Variants in C17orf99 observed in about 807,000 individuals in gnomAD.
C17orf99 encodes the protein protein IL-40.
Under a neutral mutation model 22.6 loss-of-function variants are expected in C17orf99, and 18 were observed. The observed-to-expected ratio is 0.80, with a 90% CI of 0.55 to 1.18. The LOEUF (loss-of-function observed/expected upper bound fraction) is 1.18, where lower values mean the gene tolerates loss of function less well. C17orf99 is among the 50% of genes most tolerant of loss of function. The pLI is 0.00. For synonymous variants in C17orf99, 147 were observed against 136.6 expected, an observed-to-expected ratio of 1.08 and a Z score of -0.53; for missense variants, 328 against 342.7, an observed-to-expected ratio of 0.96 and a Z score of 0.34.
intron 2 of C17orf99, among the ~76,000 whole-genome samples, chr17:78,160,361 C>G (rs964432952): frequency 4.6e-5 from 7 of 151,914 alleles, no homozygotes. Context: ...CATGGTGAAA[C>G]CCTGTCTCTA....
At chr17:78,159,788 G>T (rs1481246801) in intron 2 of C17orf99, among the ~76,000 whole-genome samples, 1 of 151,980 alleles carries the variant, frequency 6.6e-6, no homozygotes, top group Non-Finnish European at 1.5e-5. Context: ...GGGTTCTCCT[G>T]TTCTGAACTT....
At chr17:78,164,801 G>A (rs1239991007) in intron 4 of C17orf99, 12 of 1,242,018 alleles carry the variant, frequency 9.7e-6, no homozygotes, top group South Asian at 4.1e-5. Context: ...GGCCATCACC[G>A]CTTACGCATG....
At chr17:78,163,785 G>A (rs991341606) in intron 3 of C17orf99, among the ~76,000 whole-genome samples, 3 of 152,214 alleles carry the variant, frequency 2.0e-5, no homozygotes, top group East Asian at 1.9e-4. Context: ...AGAATTGCTC[G>A]AGCTGGGGAG....
At chr17:78,149,498 C>T (rs1277506577) in intron 2 of C17orf99, among the ~76,000 whole-genome samples, 4 of 152,080 alleles carry the variant, frequency 2.6e-5, no homozygotes, top group East Asian at 3.9e-4. Flanking sequence ...TCAGGATATT[C>T]GAAAGATGAT....
intron 2 of C17orf99, among the ~76,000 whole-genome samples, chr17:78,148,810 G>A (rs1168252139): frequency 6.6e-6 from 1 of 152,158 alleles, no homozygotes; most frequent in Non-Finnish European, 1.5e-5. Flanking sequence ...GCCATAGGAG[G>A]TTTGGAGGGG....
intron 2 of C17orf99, chr17:78,160,750 A>G: frequency 1.7e-6 from 1 of 573,214 alleles, no homozygotes; most frequent in African/African-American, 1.9e-5. Flanking sequence ...CGCCCGGCTA[A>G]TTTTTGTATT....
At chr17:78,164,847 T>C in intron 4 of C17orf99, 1 of 1,197,086 alleles carries the variant, frequency 8.4e-7, no homozygotes, top group Non-Finnish European at 1.1e-6. Context: ...CTGTGTGCCA[T>C]GTGCCTACTG....
Position 78,157,508 on chromosome 17 carries a change from G to T in C17orf99, c.71-3447G>T. On this transcript the variant is annotated intron_variant, in intron 2 of 4. Transcript: ENST00000340363. Reference sequence around the variant, plus strand: ...GCAGTCCTCAGCATTGTGTAAAAATGACTTTGTAGGCCGGGCGCGGTGGCT... The same window carrying T: ...GCAGTCCTCAGCATTGTGTAAAAATTACTTTGTAGGCCGGGCGCGGTGGCT... 3 of 1,184,830 alleles carry T rather than the reference G, an allele frequency of 2.5e-6. No homozygotes were observed. In the South Asian group the frequency reaches 3.7e-5, roughly 15 times the overall value. 73.4% of individuals were successfully genotyped at this position (1,184,830 alleles called of 1,614,324 possible).
At chr17:78,153,040 C>T (rs142497858) in intron 2 of C17orf99, among the ~76,000 whole-genome samples, 9 of 151,472 alleles carry the variant, frequency 5.9e-5, no homozygotes, top group African/African-American at 2.2e-4. Flanking sequence ...GAGATCGTGC[C>T]GCTGCACTCA....
chr17:78,147,478 AG>A (rs1193589105), intron 2 of C17orf99, among the ~76,000 whole-genome samples: 1 of 151,968 alleles, frequency 6.6e-6, no homozygotes, highest in African/African-American at 2.4e-5. Context: ...ACCAGGGAGG[AG>A]GGGACGCTGG....
chr17:78,166,155 C>CAAAAAAAAAAAAA lies in C17orf99; in HGVS notation c.*119_*131dup, dbSNP rs61377640. 1.5e-5 allele frequency: 2 copies of CAAAAAAAAAAAAA among 135,180 alleles called. No homozygotes were observed. The highest frequency in any genetic ancestry group is 2.6e-5 in the Non-Finnish European group (2 of 77,528). The allele number at this position is 135,180 out of a possible 1,614,324, so 8.4% of individuals were successfully genotyped here. A position where few individuals can be genotyped will look rare whatever the true frequency, so the allele number is the denominator to read the frequency against. Reference sequence around the variant, plus strand: ...GAGTGTGTTTTAGCTGCTCTTGCCACAAAAAAAAAAAAAAAAAAAAAAGGG... The same window carrying CAAAAAAAAAAAAA: ...GAGTGTGTTTTAGCTGCTCTTGCCACAAAAAAAAAAAAAAAAAAAAAAAAAAAAAAAAAAAGGG... On this transcript the variant is annotated 3_prime_UTR_variant, in exon 5 of 5. Coordinates refer to ENST00000340363, the MANE Select transcript of C17orf99 (RefSeq NM_001163075.2).
intron 2 of C17orf99, among the ~76,000 whole-genome samples, chr17:78,153,928 T>C (rs2075505715): frequency 7.1e-6 from 1 of 140,118 alleles, no homozygotes; most frequent in East Asian, 2.1e-4. Flanking sequence ...CTTTTTTTTT[T>C]TTTTTTTTTT....
chr17:78,153,370 A>G (rs2075500361), intron 2 of C17orf99, among the ~76,000 whole-genome samples: 1 of 152,104 alleles, frequency 6.6e-6, no homozygotes, highest in Non-Finnish European at 1.5e-5. Flanking sequence ...CTGTAATCCC[A>G]GCTACTCGGG....
intron 2 of C17orf99, among the ~76,000 whole-genome samples, chr17:78,153,448 G>A (rs1256910661): frequency 6.6e-6 from 1 of 151,898 alleles, no homozygotes; most frequent in Non-Finnish European, 1.5e-5. Flanking sequence ...TCGTGTCACT[G>A]CAGTCCAGCC....
chr17:78,146,808 G>T lies in C17orf99; in HGVS notation c.38-71G>T. ...CTCCTCCCTCCTGGCTTCAGCAGGT[G>T]GGTCTCGAGGCTGTCTCTGGTCTCC... is the stretch of plus-strand genomic sequence containing the variant. On this transcript the variant is annotated intron_variant, in intron 1 of 4. Coordinates refer to ENST00000340363, the MANE Select transcript of C17orf99 (RefSeq NM_001163075.2). The surrounding 1 kb of genome is among the most constrained non-coding windows in gnomAD (Gnocchi z 5.2). 1 of 1,436,544 alleles carries T rather than the reference G, an allele frequency of 7.0e-7. No individual in the cohort carries two copies. The allele number at this position is 1,436,544 out of a possible 1,614,324, so 89.0% of individuals were successfully genotyped here.
At chr17:78,152,001 T>A (rs1300081722) in intron 2 of C17orf99, among the ~76,000 whole-genome samples, 1 of 152,050 alleles carries the variant, frequency 6.6e-6, no homozygotes. Context: ...CAGCACCATG[T>A]CCGGGCCTGG....
chr17:78,151,901 G>A (rs1567817502), intron 2 of C17orf99, among the ~76,000 whole-genome samples: 1 of 152,268 alleles, frequency 6.6e-6, no homozygotes, highest in East Asian at 1.9e-4. Context: ...CCAGGGTTGG[G>A]ACTGGAATTT....
upstream of C17orf99, among the ~76,000 whole-genome samples, chr17:78,145,813 T>TTG (rs1356838593): frequency 7.6e-5 from 11 of 144,850 alleles, no homozygotes; most frequent in African/African-American, 2.6e-4. Context: ...TTTTTTTTTT[T>TTG]GAGATGGAAT....
chr17:78,158,499 G>A (rs1019981164), intron 2 of C17orf99: 4 of 187,930 alleles, frequency 2.1e-5, no homozygotes, highest in Middle Eastern at 2.4e-3. Flanking sequence ...GTTTCACCGT[G>A]TTAGCCAGGA....
Sources: gnomAD v4.1 joint callset for allele counts (sites outside exome capture counted in the v4.1 genomes callset) on GRCh38, gnomAD v4.1.1 for gene constraint, Gnocchi (gnomAD v3.1) non-coding constraint, MANE v1.5 for transcripts, NCBI Gene and HGNC (gene_info 2026-07-23, HGNC 2026-07-21) for gene names.